The following P4HTM variants were observed in gnomAD, a reference collection of about 807,000 sequenced individuals.
P4HTM encodes the protein transmembrane prolyl 4-hydroxylase.
A neutral mutation model predicts 55.3 loss-of-function variants in P4HTM; 33 were observed. The ratio of observed to expected loss-of-function variants is 0.60; its 90% CI spans 0.45 to 0.80. The LOEUF (loss-of-function observed/expected upper bound fraction) is 0.80, where lower values mean the gene tolerates loss of function less well. P4HTM is among the 30% of genes least tolerant of loss of function. The probability of loss-of-function intolerance (pLI) is 0.00; values close to 1 mark genes in which losing one functional copy is unlikely to be tolerated. For synonymous variants in P4HTM, 272 were observed against 286.4 expected (o/e 0.95, Z 0.51); for missense variants, 542 against 696.5 (o/e 0.78, Z 2.50).
Position 49,006,395 on chromosome 3 carries a change from CCT to C in P4HTM, c.1288+209_1288+210del, listed in dbSNP as rs374239797. On this transcript the variant is annotated intron_variant, in intron 8 of 8. Transcript: ENST00000383729. ...TGGGTTATATCCATCCCTATCATTC[CCT>C]GATGCCCCAGCCTTCCTACTCCCTG... Among the ~76,000 whole-genome samples the C allele has an allele frequency of 1.2e-4, 18 of 152,350 alleles. No individual in the cohort carries two copies. In the East Asian group the frequency reaches 2.5e-3, roughly 21 times the overall value.
chr3:48,994,454 C>T (rs1439011253), intron 2 of P4HTM, among the ~76,000 whole-genome samples: 9 of 152,232 alleles, frequency 5.9e-5, no homozygotes, highest in Admixed American at 5.9e-4. Flanking sequence ...AGCCCCCAGT[C>T]TCTCCTTGAG....
intron 3 of P4HTM, 57 bp downstream of exon 3, chr3:49,001,685 T>C: frequency 1.4e-6 from 2 of 1,469,662 alleles, no homozygotes; most frequent in Non-Finnish European, 1.9e-6. Flanking sequence ...ATCACCTTTC[T>C]GGTGGCCAGG....
intron 2 of P4HTM, chr3:48,991,955 C>T (rs990560343): frequency 2.0e-5 from 3 of 152,216 alleles, no homozygotes; most frequent in African/African-American, 7.2e-5. Context: ...GCAGAGGGTC[C>T]TGGTTGGGGA....
Position 49,002,649 on chromosome 3 carries a change from C to T in P4HTM, c.724+53C>T, listed in dbSNP as rs775218112. On this transcript the variant is annotated intron_variant, in intron 4 of 8. Coordinates refer to ENST00000383729, the MANE Select transcript of P4HTM (RefSeq NM_177939.3). The surrounding 1 kb of genome is among the most constrained non-coding windows in gnomAD (Gnocchi z 4.4). Reference sequence around the variant, plus strand: ...TCCCCGTGAGCCTCCTGCCCACTCCCAGGTGCACAATTTTGAAAACTTGGG... The same window carrying T: ...TCCCCGTGAGCCTCCTGCCCACTCCTAGGTGCACAATTTTGAAAACTTGGG... 1 of 1,398,194 alleles carries T rather than the reference C, an allele frequency of 7.2e-7. No individual in the cohort carries two copies. Among genetic ancestry groups the T allele is most frequent in the East Asian group, 2.3e-5 (1 of 43,882 alleles). 86.6% of individuals were successfully genotyped at this position (1,398,194 alleles called of 1,614,324 possible).
rs756516082 is a variant in P4HTM, at chr3:49,006,758, G to GC, written c.1362dup (p.Asn455GlnfsTer5). The GC allele has an allele frequency of 6.2e-7, 1 of 1,613,638 alleles. No homozygotes were observed. The highest frequency in any genetic ancestry group is 8.5e-7 in the Non-Finnish European group (1 of 1,180,048). ...GGTCACGCGCGGCACCAAGTGGATT[G>GC]CCAACAACTGGATTAATGTGGACCC... On this transcript the variant is annotated frameshift_variant, in exon 9 of 9. Coordinates refer to ENST00000383729, the MANE Select transcript of P4HTM (RefSeq NM_177939.3). LOFTEE classifies it high-confidence loss of function.
intron 2 of P4HTM, chr3:48,997,304 C>A (rs1440295695): frequency 6.6e-6 from 1 of 152,278 alleles, no homozygotes; most frequent in Non-Finnish European, 1.5e-5. Context: ...GCCGTGGTTA[C>A]CAACAGCCAG....
At chr3:49,001,322 G>A (rs2092960403) in intron 2 of P4HTM, 116 bp from the exon 3 acceptor site, 2 of 884,944 alleles carry the variant, frequency 2.3e-6, no homozygotes, top group Non-Finnish European at 3.8e-6. Context: ...CCATCCTCCA[G>A]ACCTGGTGGC....
At position 49,007,005 on chromosome 3, in the gene P4HTM, C is replaced by T. The variant is rs991243375; in HGVS notation, c.*98C>T. On this transcript the variant is annotated 3_prime_UTR_variant, in exon 9 of 9. Coordinates refer to ENST00000383729, the MANE Select transcript of P4HTM (RefSeq NM_177939.3). This position sits in a 1 kb window ranked among gnomAD's most constrained non-coding sequence, Gnocchi z 5.1. Reference sequence around the variant, plus strand: ...TCCTGCTGCAGACTAAAGGTCTGGCCAATGTCTTGCCCCACCCCGCCAGCC... The same window carrying T: ...TCCTGCTGCAGACTAAAGGTCTGGCTAATGTCTTGCCCCACCCCGCCAGCC... 4 of 1,014,644 alleles carry T rather than the reference C, an allele frequency of 3.9e-6. No homozygotes were observed. The African/African-American group carries it at 4.7e-5, about 12-fold the overall frequency. 62.9% of individuals were successfully genotyped at this position (1,014,644 alleles called of 1,614,324 possible).
chr3:49,001,422 C>T lies in P4HTM; in HGVS notation c.437-16C>T, dbSNP rs1383990359. 20 of 1,613,320 alleles carry T rather than the reference C, an allele frequency of 1.2e-5. No homozygotes were observed. Among genetic ancestry groups the T allele is most frequent in the Non-Finnish European group, 1.7e-5 (20 of 1,179,884 alleles). On this transcript the variant is annotated splice_polypyrimidine_tract_variant and intron_variant, in intron 2 of 8. Coordinates refer to ENST00000383729, the MANE Select transcript of P4HTM (RefSeq NM_177939.3). ...CTGGCTCAGTCCTTGGCCTCACCCACCTCCTCTTCTGGCAGAAATCCCCGG... is the reference window on the plus strand; with the variant it reads ...CTGGCTCAGTCCTTGGCCTCACCCATCTCCTCTTCTGGCAGAAATCCCCGG...
chr3:49,006,620 C>G, intron 8 of P4HTM, 67 bp from the exon 9 acceptor site: 1 of 1,378,018 alleles, frequency 7.3e-7, no homozygotes, highest in Non-Finnish European at 1.0e-6. Flanking sequence ...TGGTCATGCT[C>G]TTGGTGCCTA....
chr3:49,005,675 G>A, intron 6 of P4HTM, 102 bp from the exon 7 acceptor site: 1 of 1,494,890 alleles, frequency 6.7e-7, no homozygotes, highest in South Asian at 1.4e-5. Flanking sequence ...AGTCTGTCCT[G>A]GTCCCTGGCA....
chr3:49,002,556 G>C lies in P4HTM; in HGVS notation c.684G>C (p.Gln228His). 1 of 1,614,130 alleles carries C rather than the reference G, an allele frequency of 6.2e-7. No individual in the cohort carries two copies. ...NGWWMTPESI[Q>H]EMYAAIKADP... Reference sequence around the variant, plus strand: ...GGTGGATGACTCCAGAGAGCATTCAGGAGATGTACGCCGCGATCAAGGCTG... The same window carrying C: ...GGTGGATGACTCCAGAGAGCATTCACGAGATGTACGCCGCGATCAAGGCTG... Residue 228 changes from glutamine to histidine, a missense_variant, in exon 4 of 9, where the codon CAG becomes CAC. Gln to His is a conservative substitution (Grantham distance 24, BLOSUM62 0). Around this residue, in one of 2 missense-constraint regions of P4HTM, gnomAD observed 536 missense variants for 672.1 expected, o/e 0.80. Coordinates refer to ENST00000383729, the MANE Select transcript of P4HTM (RefSeq NM_177939.3). This position sits in a 1 kb window ranked among gnomAD's most constrained non-coding sequence, Gnocchi z 4.4.
chr3:49,006,223 T>C (rs1443124643), intron 8 of P4HTM, 36 bp downstream of exon 8: 2 of 1,592,526 alleles, frequency 1.3e-6, no homozygotes, highest in African/African-American at 1.3e-5. Flanking sequence ...GGGGGTGCCC[T>C]GAGTACAGCT....
chr3:48,996,881 C>CAGT (rs2092947527), intron 2 of P4HTM, among the ~76,000 whole-genome samples: 1 of 152,146 alleles, frequency 6.6e-6, no homozygotes, highest in South Asian at 2.1e-4. Context: ...GGCATGTGGG[C>CAGT]AGTAGTAGCA....
At chr3:49,005,420 T>C (rs2092974649) in intron 6 of P4HTM, 3 of 1,396,862 alleles carry the variant, frequency 2.1e-6, no homozygotes, top group Admixed American at 3.3e-5. Context: ...AAGCCAGTTC[T>C]TTCCTCTTCA....
intron 2 of P4HTM, chr3:48,996,023 A>C (rs908362637): frequency 2.0e-5 from 3 of 152,238 alleles, no homozygotes; most frequent in Non-Finnish European, 4.4e-5. Context: ...GGGTACTACC[A>C]GTGGCCAGCA....
At position 49,006,814 on chromosome 3, in the gene P4HTM, G is replaced by A; in HGVS notation, c.1416G>A (p.Gln472=). Residue 472 remains glutamine, a synonymous_variant, in exon 9 of 9, where the codon CAG becomes CAA. Transcript: ENST00000383729. ...GAGCGCGGCAAGCGCTGTTCCAACA[G>A]GAGATGGCCCGCCTTGCCCGAGAAG... is the stretch of plus-strand genomic sequence containing the variant. The part of the protein sequence containing the change: ...PSRARQALFQ[Q]EMARLAREGG... 6.2e-7 allele frequency: 1 copy of A among 1,613,474 alleles called. No individual in the cohort carries two copies. Among genetic ancestry groups the A allele is most frequent in the South Asian group, 1.1e-5 (1 of 91,088 alleles).
rs1480634147 is a variant in P4HTM at position 49,004,217 on chromosome 3, C to G, written c.844C>G (p.Gln282Glu). ...GAACAGCCACCATACCTGGCTCTACCAGGGTGAGGGTGCCCACCACATCAT... is the reference window on the plus strand; with the variant it reads ...GAACAGCCACCATACCTGGCTCTACGAGGGTGAGGGTGCCCACCACATCAT... ...VRNSHHTWLY[Q>E]GEGAHHIMRA... Residue 282 changes from glutamine to glutamate, a missense_variant, in exon 5 of 9, where the codon CAG becomes GAG. Physicochemically the swap from Gln to Glu is conservative, Grantham distance 29. Transcript: ENST00000383729. The G allele has an allele frequency of 6.5e-7, 1 of 1,549,082 alleles. No homozygotes were observed. Among genetic ancestry groups the G allele is most frequent in the Admixed American group, 2.0e-5 (1 of 50,976 alleles).
chr3:49,002,459 A>G lies in P4HTM; in HGVS notation c.628-41A>G, dbSNP rs758465351. ...GCCATCTGTTCTCTGCTGGCTCTCC[A>G]TCACTGGGGTCACCCACTGAGGGAC... On this transcript the variant is annotated intron_variant, in intron 3 of 8. Transcript: ENST00000383729. The surrounding 1 kb of genome is among the most constrained non-coding windows in gnomAD (Gnocchi z 4.4). The G allele has an allele frequency of 1.4e-6, 2 of 1,411,282 alleles. No homozygotes were observed. The highest frequency in any genetic ancestry group is 2.0e-6 in the Non-Finnish European group (2 of 996,624). 87.4% of individuals were successfully genotyped at this position (1,411,282 alleles called of 1,614,324 possible). A position where few individuals can be genotyped will look rare whatever the true frequency, so the allele number is the denominator to read the frequency against.
Sources: allele counts gnomAD v4.1 joint callset (sites outside exome capture counted in the v4.1 genomes callset), GRCh38; gene constraint gnomAD v4.1.1; regional missense constraint gnomAD v4.1.1; non-coding constraint Gnocchi (gnomAD v3.1); transcripts MANE v1.5; gene names NCBI Gene and HGNC (gene_info 2026-07-23, HGNC 2026-07-21).